Variants in OPCML observed in about 807,000 individuals in gnomAD.
OPCML encodes the protein opioid binding protein/cell adhesion molecule like.
In OPCML, 13 loss-of-function variants were observed where a neutral mutation model predicts 37.8. The observed-to-expected ratio is 0.34, with a 90% CI of 0.22 to 0.55. The LOEUF is 0.55. Among genes scored for constraint, OPCML ranks in the 20% least tolerant of loss-of-function variants. The pLI is 0.91. For missense variants in OPCML, 341 were observed against 435.6 expected, an observed-to-expected ratio of 0.78 and a Z score of 1.93; for synonymous variants, 176 against 168.8, an observed-to-expected ratio of 1.04 and a Z score of -0.33.
At chr11:133,221,710 G>A (rs1022147298) in intron 1 of OPCML, among the ~76,000 whole-genome samples, 3 of 152,148 alleles carry the variant, frequency 2.0e-5, no homozygotes, top group African/African-American at 4.8e-5. Flanking sequence ...TATGCTGAGC[G>A]AGTGTGACTG....
intron 2 of OPCML, among the ~76,000 whole-genome samples, chr11:132,874,103 G>A (rs1346111795): frequency 6.6e-6 from 1 of 152,060 alleles, no homozygotes; most frequent in Non-Finnish European, 1.5e-5. Flanking sequence ...TTTGGGTTCC[G>A]CCTCCTGAGT....
chr11:133,229,086 C>T (rs1940163749), intron 1 of OPCML, among the ~76,000 whole-genome samples: 1 of 152,122 alleles, frequency 6.6e-6, no homozygotes. Context: ...CAGAAGCAGG[C>T]CAGGGCATGA....
chr11:132,607,312 A>T (rs1938363835), intron 3 of OPCML, among the ~76,000 whole-genome samples: 2 of 152,198 alleles, frequency 1.3e-5, no homozygotes, highest in South Asian at 4.1e-4. Context: ...GTACAGCATC[A>T]TGAGGTTGGG....
chr11:133,052,888 C>T (rs1288649519), intron 1 of OPCML, among the ~76,000 whole-genome samples: 1 of 152,198 alleles, frequency 6.6e-6, no homozygotes, highest in Non-Finnish European at 1.5e-5. Flanking sequence ...CTAATTACAC[C>T]ATTTGAGCCC....
rs951156453 is a variant in OPCML, at chr11:133,208,269, A to G, written c.62-265259T>C. On this transcript the variant is annotated intron_variant, in intron 1 of 7. Coordinates refer to ENST00000524381, the MANE Select transcript of OPCML (RefSeq NM_001012393.5). This position sits in a 1 kb window ranked among gnomAD's most constrained non-coding sequence, Gnocchi z 8.9. ...TTGCATTGCACTGTATTGTTGTATT[A>G]CCACGTATAAATACCAGTGAGTGAA... Among the ~76,000 whole-genome samples, 6 of 152,150 alleles carry G rather than the reference A, an allele frequency of 3.9e-5. No homozygotes were observed. Among genetic ancestry groups the G allele is most frequent in the Non-Finnish European group, 8.8e-5 (6 of 68,044 alleles).
intron 2 of OPCML, among the ~76,000 whole-genome samples, chr11:132,918,385 T>C (rs917495674): frequency 6.6e-6 from 1 of 152,206 alleles, no homozygotes; most frequent in African/African-American, 2.4e-5. Context: ...TTTGTAGGTA[T>C]TGACTCTCAA....
At chr11:132,995,479 CTCCT>C (rs150751221) in intron 1 of OPCML, among the ~76,000 whole-genome samples, 19,703 of 149,418 alleles carry the variant, frequency 0.13, 1,658 homozygotes, top group South Asian at 0.21. Context: ...CCCTCTGTCT[CTCCT>C]TCCTTCCTTC....
chr11:132,853,694 T>A (rs757209882), intron 2 of OPCML, among the ~76,000 whole-genome samples: 34 of 152,250 alleles, frequency 2.2e-4, no homozygotes, highest in Non-Finnish European at 4.0e-4. Flanking sequence ...CATAGAATTG[T>A]AAAGTATATG....
At chr11:133,009,171 A>C (rs999740244) in intron 1 of OPCML, 1 of 985,252 alleles carries the variant, frequency 1.0e-6, no homozygotes, top group African/African-American at 1.7e-5. Context: ...TGTCCTTTCA[A>C]GAAAAATACA....
chr11:132,865,721 G>A (rs1171786501), intron 2 of OPCML, among the ~76,000 whole-genome samples: 3 of 152,146 alleles, frequency 2.0e-5, no homozygotes, highest in African/African-American at 7.2e-5. Context: ...CTGAGAACAT[G>A]GCCTGCTGTC....
At chr11:132,971,340 T>C (rs1049001505) in intron 1 of OPCML, among the ~76,000 whole-genome samples, 1 of 152,216 alleles carries the variant, frequency 6.6e-6, no homozygotes, top group East Asian at 1.9e-4. Context: ...ATTTTTGCTT[T>C]CCACTAAGTA....
intron 1 of OPCML, among the ~76,000 whole-genome samples, chr11:133,478,920 C>G (rs929481445): frequency 6.6e-6 from 1 of 152,054 alleles, no homozygotes; most frequent in Non-Finnish European, 1.5e-5. Context: ...ACAAGTCACG[C>G]CATCCTAATT....
At chr11:132,526,209 C>T (rs2096307978) in intron 4 of OPCML, among the ~76,000 whole-genome samples, 1 of 152,054 alleles carries the variant, frequency 6.6e-6, no homozygotes, top group African/African-American at 2.4e-5. Flanking sequence ...TAAATGATTT[C>T]CAAGCTTAGA....
intron 1 of OPCML, among the ~76,000 whole-genome samples, chr11:133,356,711 G>A (rs79636983): frequency 0.016 from 2,399 of 152,290 alleles, 71 homozygotes; most frequent in African/African-American, 0.054. Context: ...TGGCTGGCAT[G>A]GAACCTGTCC....
chr11:132,768,792 CG>C (rs1196159064), intron 2 of OPCML, among the ~76,000 whole-genome samples: 1 of 152,144 alleles, frequency 6.6e-6, no homozygotes, highest in Non-Finnish European at 1.5e-5. Flanking sequence ...CAAGGAGACC[CG>C]GGCTCCCCAG....
At chr11:132,908,884 T>C (rs1384714393) in intron 2 of OPCML, among the ~76,000 whole-genome samples, 1 of 152,206 alleles carries the variant, frequency 6.6e-6, no homozygotes, top group Non-Finnish European at 1.5e-5. Flanking sequence ...ACCTGCAGGA[T>C]TGAGGCTTGC....
In OPCML at chr11:133,023,285, G is replaced by A. The variant is rs150105180; in HGVS notation, c.62-80275C>T. On this transcript the variant is annotated intron_variant, in intron 1 of 7. Transcript: ENST00000524381. ...CATTGACTTCCTCCTGGTGTCCCAA[G>A]CTGCAGTGCAGCCAAGCAGTACAGC... Among the ~76,000 whole-genome samples the A allele has an allele frequency of 6.5e-3, 994 of 152,304 alleles. 11 individuals carry two copies. The highest frequency in any genetic ancestry group is 0.023 in the African/African-American group (955 of 41,564).
intron 1 of OPCML, chr11:133,361,534 C>G (rs779784771): frequency 6.4e-6 from 1 of 156,032 alleles, no homozygotes; most frequent in Non-Finnish European, 1.4e-5. Context: ...ACCCGTGTCC[C>G]GGCGCGCAGA....
chr11:132,565,844 C>T (rs1330961879), intron 3 of OPCML, among the ~76,000 whole-genome samples: 2 of 152,094 alleles, frequency 1.3e-5, no homozygotes, highest in Non-Finnish European at 2.9e-5. Context: ...ACTAGCCTGG[C>T]CAACATGGTG....
Sources: allele counts gnomAD v4.1 joint callset (sites outside exome capture counted in the v4.1 genomes callset), GRCh38; gene constraint gnomAD v4.1.1; non-coding constraint Gnocchi (gnomAD v3.1); transcripts MANE v1.5; gene names NCBI Gene and HGNC (gene_info 2026-07-23, HGNC 2026-07-21).